The following EGFLAM variants were observed in gnomAD, a reference collection of about 807,000 sequenced individuals.
The protein encoded by EGFLAM is EGF like, fibronectin type III and laminin G domains.
Under a neutral mutation model 113.1 loss-of-function variants are expected in EGFLAM, and 79 were observed. That is an observed-to-expected ratio of 0.70 (90% CI 0.58 to 0.84). The LOEUF is 0.84. Among genes scored for constraint, EGFLAM ranks in the 40% least tolerant of loss-of-function variants. EGFLAM has a pLI of 0.00. For synonymous variants in EGFLAM, 504 were observed against 487.6 expected, an observed-to-expected ratio of 1.03 and a Z score of -0.44; for missense variants, 1,265 against 1,291.6, an observed-to-expected ratio of 0.98 and a Z score of 0.32.
intron 5 of EGFLAM, 62 bp from the exon 6 acceptor site, chr5:38,370,234 T>C (rs1227569831): frequency 2.6e-6 from 4 of 1,554,298 alleles, no homozygotes; most frequent in South Asian, 2.3e-5. Context: ...CATAGCCAGC[T>C]AGCTTCCCTT....
At chr5:38,274,202 GGGATAGC>G (rs1444829087) in intron 1 of EGFLAM, among the ~76,000 whole-genome samples, 5 of 152,144 alleles carry the variant, frequency 3.3e-5, no homozygotes, top group Admixed American at 6.5e-5. Context: ...CAGTATTTAT[GGGATAGC>G]GTCGAAACAG....
At position 38,289,675 on chromosome 5, in the gene EGFLAM, T is replaced by A. The variant is rs1024184684; in HGVS notation, c.97+30824T>A. On this transcript the variant is annotated intron_variant, in intron 1 of 21. Coordinates refer to ENST00000322350, the MANE Select transcript of EGFLAM (RefSeq NM_152403.4). ...GTCACATGGCAGAAACATGTAAACC[T>A]CTCATGGGCTTGGAACGCATGGAGA... 2.0e-5 allele frequency among the ~76,000 whole-genome samples: 3 copies of A among 152,176 alleles called. No individual in the cohort carries two copies. In the East Asian group the frequency reaches 5.8e-4, roughly 29 times the overall value.
chr5:38,344,691 T>C (rs1739431419), intron 3 of EGFLAM, among the ~76,000 whole-genome samples: 1 of 152,186 alleles, frequency 6.6e-6, no homozygotes, highest in African/African-American at 2.4e-5. Context: ...CTTCACTTGA[T>C]CAGAGGGCCA....
chr5:38,394,726 T>TA, intron 6 of EGFLAM, among the ~76,000 whole-genome samples: 1 of 149,884 alleles, frequency 6.7e-6, no homozygotes, highest in South Asian at 2.1e-4. Flanking sequence ...TTTTTTTTTT[T>TA]TTTTTAACTC....
intron 6 of EGFLAM, among the ~76,000 whole-genome samples, chr5:38,386,756 C>T (rs747103139): frequency 4.6e-5 from 7 of 151,988 alleles, no homozygotes; most frequent in South Asian, 2.1e-4. Context: ...CTGCCCGCCT[C>T]GGCCTCTCAA....
chr5:38,462,656 C>G, intron 20 of EGFLAM: 1 of 424,230 alleles, frequency 2.4e-6, no homozygotes, highest in East Asian at 4.6e-5. Flanking sequence ...CCACAGCACC[C>G]TTGTGGTCTT....
At chr5:38,388,445 C>A (rs1162306003) in intron 6 of EGFLAM, among the ~76,000 whole-genome samples, 1 of 151,966 alleles carries the variant, frequency 6.6e-6, no homozygotes, top group Non-Finnish European at 1.5e-5. Flanking sequence ...TGTGGTGAAA[C>A]CCTGTCTGTC....
chr5:38,319,585 A>C (rs1738688903), intron 1 of EGFLAM, among the ~76,000 whole-genome samples: 1 of 152,234 alleles, frequency 6.6e-6, no homozygotes, highest in African/African-American at 2.4e-5. Flanking sequence ...TCTGGAACAC[A>C]GAGAGAGGAG....
chr5:38,334,053 A>G (rs1424248946), intron 1 of EGFLAM, among the ~76,000 whole-genome samples: 1 of 149,362 alleles, frequency 6.7e-6, no homozygotes, highest in Non-Finnish European at 1.5e-5. Flanking sequence ...CCTCCCAAGT[A>G]GCTGGGATTA....
At chr5:38,431,823 C>T (rs183046549) in intron 15 of EGFLAM, among the ~76,000 whole-genome samples, 172 of 152,282 alleles carry the variant, frequency 1.1e-3, no homozygotes, top group African/African-American at 3.8e-3. Flanking sequence ...GTGCCTACTT[C>T]ACAGAGTTGT....
intron 1 of EGFLAM, among the ~76,000 whole-genome samples, chr5:38,304,093 C>T (rs113811892): frequency 3.3e-5 from 5 of 150,582 alleles, no homozygotes; most frequent in East Asian, 2.0e-4. Context: ...CACGCCATTG[C>T]GCTCCAGCCT....
chr5:38,436,040 A>T (rs918015018), intron 16 of EGFLAM, among the ~76,000 whole-genome samples: 7 of 151,038 alleles, frequency 4.6e-5, no homozygotes, highest in Admixed American at 6.6e-5. Flanking sequence ...CTGGTCTCGA[A>T]CTCCTGACCT....
At chr5:38,422,646 A>G (rs980048558) in intron 12 of EGFLAM, among the ~76,000 whole-genome samples, 1 of 152,252 alleles carries the variant, frequency 6.6e-6, no homozygotes, top group African/African-American at 2.4e-5. Flanking sequence ...CATATTAAGA[A>G]CAGAATTATT....
intron 1 of EGFLAM, among the ~76,000 whole-genome samples, chr5:38,303,006 C>T (rs1311405723): frequency 1.3e-5 from 2 of 152,140 alleles, no homozygotes; most frequent in East Asian, 3.9e-4. Context: ...TGTCATTTAA[C>T]TCAGTTTGTG....
intron 5 of EGFLAM, among the ~76,000 whole-genome samples, chr5:38,355,430 G>A (rs1170044422): frequency 7.2e-5 from 11 of 152,152 alleles, no homozygotes; most frequent in African/African-American, 2.7e-4. Context: ...AGGTGAGTGA[G>A]CCCTCCAAGA....
chr5:38,347,378 G>A (rs1042809217), intron 3 of EGFLAM, among the ~76,000 whole-genome samples: 3 of 152,162 alleles, frequency 2.0e-5, no homozygotes, highest in Admixed American at 6.5e-5. Flanking sequence ...GCTTCAAGTG[G>A]GTGGGGACAA....
intron 1 of EGFLAM, among the ~76,000 whole-genome samples, chr5:38,314,964 T>A (rs1738552781): frequency 6.6e-6 from 1 of 152,162 alleles, no homozygotes; most frequent in Non-Finnish European, 1.5e-5. Flanking sequence ...GACAAAAAAA[T>A]CCTTGTCATA....
At chr5:38,324,043 CAAAAAAA>C (rs34351121) in intron 1 of EGFLAM, among the ~76,000 whole-genome samples, 2 of 92,296 alleles carry the variant, frequency 2.2e-5, no homozygotes, top group Non-Finnish European at 4.4e-5. Context: ...CCATCTCAAA[CAAAAAAA>C]AAAAAAAAAA....
intron 1 of EGFLAM, among the ~76,000 whole-genome samples, chr5:38,266,240 A>T (rs1358602185): frequency 6.6e-6 from 1 of 152,146 alleles, no homozygotes; most frequent in African/African-American, 2.4e-5. Flanking sequence ...GGGTAAGAGC[A>T]CATATTTTGA....
Sources: gnomAD v4.1 joint callset for allele counts (sites outside exome capture counted in the v4.1 genomes callset) on GRCh38, gnomAD v4.1.1 for gene constraint, MANE v1.5 for transcripts, NCBI Gene and HGNC (gene_info 2026-07-23, HGNC 2026-07-21) for gene names.